FAM98B: variants seen among roughly 807,000 people sequenced by gnomAD.
The protein encoded by FAM98B is tRNA splicing ligase complex subunit 3B.
Under a neutral mutation model 43.9 loss-of-function variants are expected in FAM98B, and 32 were observed. That is an observed-to-expected ratio of 0.73 (90% CI 0.55 to 0.98). The LOEUF (loss-of-function observed/expected upper bound fraction) is 0.98. Among genes scored for constraint, FAM98B ranks in the 50% least tolerant of loss-of-function variants. The pLI, the probability that FAM98B is intolerant of heterozygous loss-of-function variation, is 0.00. For missense variants in FAM98B, 514 were observed against 522.9 expected (o/e 0.98, Z 0.17); for synonymous variants, 190 against 174.0 (o/e 1.09, Z -0.72).
Position 38,469,008 on chromosome 15 carries a change from C to G in FAM98B, c.353-1219C>G, listed in dbSNP as rs548833870. 2.1e-4 allele frequency among the ~76,000 whole-genome samples: 32 copies of G among 152,260 alleles called. No homozygotes were observed. The South Asian group carries it at 6.0e-3, about 29-fold the overall frequency. On this transcript the variant is annotated intron_variant, in intron 3 of 7. Transcript: ENST00000397609. ...TGCAACCTTCGCCTCTGGGTTCAAG[C>G]AATTCTCCTGCCTCAGCCTCCCTAG...
At chr15:38,472,466 AG>A (rs1446010606) in intron 4 of FAM98B, among the ~76,000 whole-genome samples, 2 of 152,104 alleles carry the variant, frequency 1.3e-5, no homozygotes, top group Non-Finnish European at 2.9e-5. Flanking sequence ...TTATTTGCAC[AG>A]GTTCTTTCTA....
At chr15:38,471,369 A>C (rs1322243112) in intron 4 of FAM98B, among the ~76,000 whole-genome samples, 1 of 152,122 alleles carries the variant, frequency 6.6e-6, no homozygotes, top group Non-Finnish European at 1.5e-5. Flanking sequence ...TTATAGAGTT[A>C]ACAAGTTACT....
chr15:38,454,372 G>A (rs1389598487), intron 1 of FAM98B, 140 bp downstream of exon 1: 2 of 851,570 alleles, frequency 2.3e-6, no homozygotes. Context: ...CTCCGGCGCC[G>A]ACGGAGTTAA....
chr15:38,464,124 T>C lies in FAM98B; in HGVS notation c.164T>C (p.Leu55Ser). ...SPEFSELCIW[L>S]GSQIKSLCNL... ...GAATTTTCAGAGCTCTGTATTTGGT[T>C]AGGCTCTCAAATAAAATCATTATGC... The change falls in exon 2 of 8, where the codon TTA (leucine) becomes TCA (serine). Residue 55 changes from leucine to serine, a missense_variant. This residue lies in a region of FAM98B where 469 missense variants were observed against 451.8 expected (regional missense o/e 1.04). Transcript: ENST00000397609. The C allele has an allele frequency of 6.2e-7, 1 of 1,613,558 alleles. No individual in the cohort carries two copies. Among genetic ancestry groups the C allele is most frequent in the Non-Finnish European group, 8.5e-7 (1 of 1,179,742 alleles).
intron 2 of FAM98B, among the ~76,000 whole-genome samples, chr15:38,464,773 C>CT (rs1158112736): frequency 1.3e-5 from 2 of 151,900 alleles, no homozygotes; most frequent in African/African-American, 4.8e-5. Context: ...GAAAAGTATC[C>CT]TTTTTTTCTT....
rs946347390 is a variant in FAM98B, at chr15:38,487,296, T to G, written c.*2637T>G. On this transcript the variant is annotated 3_prime_UTR_variant, in exon 8 of 8. Coordinates refer to ENST00000397609, the MANE Select transcript of FAM98B (RefSeq NM_173611.4). ...TTTAAATAAAAAACATCTTATTACC[T>G]GTATCTGTGACAAGAGGAGGCATGA... The G allele has an allele frequency of 1.3e-5, 2 of 152,068 alleles. No homozygotes were observed. The highest frequency in any genetic ancestry group is 4.8e-5 in the African/African-American group (2 of 41,434). The allele number at this position is 152,068 out of a possible 1,614,324, so 9.4% of individuals were successfully genotyped here.
chr15:38,456,366 C>T (rs1386464361), intron 1 of FAM98B, among the ~76,000 whole-genome samples: 1 of 152,204 alleles, frequency 6.6e-6, no homozygotes, highest in Non-Finnish European at 1.5e-5. Context: ...CTGACCGAAT[C>T]ATAATCTTCA....
At chr15:38,476,318 T>G (rs945168571) in intron 6 of FAM98B, among the ~76,000 whole-genome samples, 1 of 152,092 alleles carries the variant, frequency 6.6e-6, no homozygotes, top group African/African-American at 2.4e-5. Flanking sequence ...ATCCTTGGAG[T>G]TCTGAAATTG....
At chr15:38,468,185 C>A (rs544040488) in intron 3 of FAM98B, among the ~76,000 whole-genome samples, 11 of 152,292 alleles carry the variant, frequency 7.2e-5, no homozygotes, top group African/African-American at 2.6e-4. Flanking sequence ...AGCCAAGGTT[C>A]TGTCTAAAAT....
At chr15:38,481,173 T>C in intron 6 of FAM98B, 119 bp from the exon 7 acceptor site, 1 of 802,524 alleles carries the variant, frequency 1.2e-6, no homozygotes, top group Non-Finnish European at 1.9e-6. Context: ...GTTTTTGCTC[T>C]TTTCTAACTC....
intron 7 of FAM98B, chr15:38,482,288 T>A (rs1283512799): frequency 6.6e-6 from 1 of 152,264 alleles, no homozygotes; most frequent in Non-Finnish European, 1.5e-5. Flanking sequence ...CAATCCTATG[T>A]TCTGAAAGTG....
At chr15:38,454,475 C>T (rs1889816444) in intron 1 of FAM98B, among the ~76,000 whole-genome samples, 1 of 152,236 alleles carries the variant, frequency 6.6e-6, no homozygotes, top group Non-Finnish European at 1.5e-5. Flanking sequence ...TGCCTCGAAA[C>T]TCTGTTGCAG....
At position 38,470,347 on chromosome 15, in the gene FAM98B, G is replaced by A. The variant is rs1350720125; in HGVS notation, c.473G>A (p.Gly158Asp). The A allele has an allele frequency of 1.9e-6, 3 of 1,605,194 alleles. No homozygotes were observed. The highest frequency in any genetic ancestry group is 1.1e-5 in the South Asian group (1 of 88,818). ...QEVQAMFDTLGIPKSTTSDIP... is the reference protein window; with the variant it reads ...QEVQAMFDTLDIPKSTTSDIP... Reference sequence around the variant, plus strand: ...GTTCAAGCTATGTTTGATACACTTGGTATACCCAAGTCAACAACTTCTGAC... The same window carrying A: ...GTTCAAGCTATGTTTGATACACTTGATATACCCAAGTCAACAACTTCTGAC... The change falls in exon 4 of 8, where the codon GGT (glycine) becomes GAT (aspartate). Residue 158 changes from glycine (G) to aspartate (D), a missense_variant. By Grantham distance (94) the Gly-to-Asp change is moderately conservative. Coordinates refer to ENST00000397609, the MANE Select transcript of FAM98B (RefSeq NM_173611.4).
intron 7 of FAM98B, chr15:38,482,848 G>A (rs991733280): frequency 6.6e-6 from 1 of 152,084 alleles, no homozygotes; most frequent in East Asian, 1.9e-4. Context: ...TTTTATAGAA[G>A]GTTGGATACT....
chr15:38,482,259 C>G (rs546900240), intron 7 of FAM98B: 22 of 152,428 alleles, frequency 1.4e-4, no homozygotes, highest in African/African-American at 5.1e-4. Context: ...GTGTTTGCCT[C>G]TGTGCTTCCA....
intron 3 of FAM98B, among the ~76,000 whole-genome samples, chr15:38,466,883 C>T (rs1286614064): frequency 1.3e-5 from 2 of 152,184 alleles, no homozygotes; most frequent in East Asian, 3.8e-4. Context: ...CACTCTCACA[C>T]TCGCACTCAC....
rs571814170 is a variant in FAM98B at position 38,468,331 on chromosome 15, G to A, written c.353-1896G>A. On this transcript the variant is annotated intron_variant, in intron 3 of 7. Transcript: ENST00000397609. ...GCCCCTCAAACTCTGGAGCTCAAGC[G>A]ATCCTCTCATCTCAGCCTGCATAAC... Among the ~76,000 whole-genome samples, 7 of 152,164 alleles carry A rather than the reference G, an allele frequency of 4.6e-5. No homozygotes were observed. The South Asian group carries it at 1.2e-3, about 27-fold the overall frequency.
intron 6 of FAM98B, among the ~76,000 whole-genome samples, chr15:38,480,721 G>A (rs1313478793): frequency 6.6e-6 from 1 of 152,082 alleles, no homozygotes; most frequent in East Asian, 1.9e-4. Flanking sequence ...TAACTGATAA[G>A]ATGATGATAA....
chr15:38,461,893 G>C lies in FAM98B; in HGVS notation c.72-2139G>C, dbSNP rs115732616. Among the ~76,000 whole-genome samples the C allele has an allele frequency of 5.9e-3, 891 of 152,094 alleles. 6 individuals carry two copies. The highest frequency in any genetic ancestry group is 0.02 in the African/African-American group (813 of 41,480). On this transcript the variant is annotated intron_variant, in intron 1 of 7. Coordinates refer to ENST00000397609, the MANE Select transcript of FAM98B (RefSeq NM_173611.4). Reference sequence around the variant, plus strand: ...CTACAGGAGAATTTAATAGTATCTGGCAAAGTTATGTATCTATTTACCCTT... The same window carrying C: ...CTACAGGAGAATTTAATAGTATCTGCCAAAGTTATGTATCTATTTACCCTT...
Sources: allele counts gnomAD v4.1 joint callset (sites outside exome capture counted in the v4.1 genomes callset), GRCh38; gene constraint gnomAD v4.1.1; regional missense constraint gnomAD v4.1.1; transcripts MANE v1.5; gene names NCBI Gene and HGNC (gene_info 2026-07-23, HGNC 2026-07-21).